Variants in ZNF766 observed in about 807,000 individuals in gnomAD.
ZNF766 encodes the protein zinc finger protein 766.
Under a neutral mutation model 13.2 loss-of-function variants are expected in ZNF766, and 13 were observed. That is an observed-to-expected ratio of 0.98 (90% CI 0.64 to 1.56). The LOEUF (loss-of-function observed/expected upper bound fraction) is 1.56. ZNF766 is among the 40% of genes most tolerant of loss of function. The pLI is 0.00. For synonymous variants in ZNF766, 178 were observed against 187.6 expected, an observed-to-expected ratio of 0.95 and a Z score of 0.42; for missense variants, 521 against 552.2, an observed-to-expected ratio of 0.94 and a Z score of 0.57.
At chr19:52,282,277 A>G (rs904106217) in intron 2 of ZNF766, 40 bp downstream of exon 2, 6 of 1,550,466 alleles carry the variant, frequency 3.9e-6, no homozygotes, top group Non-Finnish European at 4.4e-6. Context: ...GTCTGCCCTT[A>G]GTATCTCTGC....
At chr19:52,282,460 A>C in intron 2 of ZNF766, 2 of 325,698 alleles carry the variant, frequency 6.1e-6, no homozygotes, top group South Asian at 3.4e-5. Flanking sequence ...AAATGATAAA[A>C]CCCCATCTGT....
rs62624464 is a variant in ZNF766 at position 52,290,383 on chromosome 19, G to C, written c.592G>C (p.Val198Leu). ...ECNEQGKVFR[V>L]SSSLPNHQVI... ...TAATGAGCAGGGCAAAGTCTTCAGA[G>C]TGTCTTCAAGCCTTCCTAATCATCA... is the stretch of plus-strand genomic sequence containing the variant. Residue 198 changes from valine to leucine, a missense_variant, in exon 4 of 4, where the codon GTG becomes CTG. By Grantham distance (32) the Val-to-Leu change is conservative (BLOSUM62 1). Transcript: ENST00000439461. 4,764 of 1,614,004 alleles carry C rather than the reference G, an allele frequency of 3.0e-3. 11 individuals carry two copies. The highest frequency in any genetic ancestry group is 3.5e-3 in the Non-Finnish European group (4,096 of 1,180,026).
At position 52,290,299 on chromosome 19, in the gene ZNF766, G is replaced by T. The variant is rs1036849300; in HGVS notation, c.508G>T (p.Asp170Tyr). 1.2e-6 allele frequency: 2 copies of T among 1,613,684 alleles called. No homozygotes were observed. Among genetic ancestry groups the T allele is most frequent in the Non-Finnish European group, 1.7e-6 (2 of 1,179,720 alleles). The change falls in exon 4 of 4, where the codon GAT (aspartate) becomes TAT (tyrosine). Residue 170 changes from aspartate to tyrosine, a missense_variant. Asp to Tyr is a radical substitution (Grantham distance 160). Coordinates refer to ENST00000439461, the MANE Select transcript of ZNF766 (RefSeq NM_001010851.3). ...IFNKHRNDFV[D>Y]FPLLSQEQKA... Reference sequence around the variant, plus strand: ...TAATAAACATAGGAATGATTTTGTTGATTTTCCATTGCTGTCACAAGAACA... The same window carrying T: ...TAATAAACATAGGAATGATTTTGTTTATTTTCCATTGCTGTCACAAGAACA...
intron 1 of ZNF766, among the ~76,000 whole-genome samples, chr19:52,271,273 G>T (rs1980961049): frequency 6.6e-6 from 1 of 152,194 alleles, no homozygotes; most frequent in African/African-American, 2.4e-5. Context: ...GGGCAGTCTT[G>T]TGGGACTGAG....
intron 1 of ZNF766, among the ~76,000 whole-genome samples, chr19:52,278,602 C>T (rs1316774269): frequency 6.6e-6 from 1 of 152,138 alleles, no homozygotes; most frequent in Non-Finnish European, 1.5e-5. Context: ...CGGAGCTTCA[C>T]CATGGTGGCC....
chr19:52,269,708 G>A, intron 1 of ZNF766, 77 bp downstream of exon 1: 2 of 1,568,786 alleles, frequency 1.3e-6, no homozygotes, highest in Non-Finnish European at 1.7e-6. Flanking sequence ...GTGGGGGGCG[G>A]TACAGACCTT....
Position 52,295,631 on chromosome 19 carries a change from T to A in ZNF766, c.*4433T>A, listed in dbSNP as rs969396986. The A allele has an allele frequency of 2.6e-5, 4 of 152,138 alleles. No individual in the cohort carries two copies. Among genetic ancestry groups the A allele is most frequent in the Admixed American group, 2.6e-4 (4 of 15,292 alleles). The allele number at this position is 152,138 out of a possible 1,614,324, so 9.4% of individuals were successfully genotyped here. On this transcript the variant is annotated 3_prime_UTR_variant, in exon 4 of 4. Transcript: ENST00000439461. The stretch of plus-strand genomic sequence containing the variant: ...AGGTATAAACGTTTTATTGTAAATA[T>A]GAAAAAGGAAAAAATGCTTTCACTA...
chr19:52,283,541 A>T, intron 3 of ZNF766, 128 bp downstream of exon 3: 1 of 1,258,496 alleles, frequency 7.9e-7, no homozygotes, highest in Non-Finnish European at 1.0e-6. Context: ...GGGCTTCAAC[A>T]GTCCTCCTGC....
chr19:52,274,039 G>A (rs1025587690), intron 1 of ZNF766, among the ~76,000 whole-genome samples: 1 of 152,198 alleles, frequency 6.6e-6, no homozygotes, highest in Non-Finnish European at 1.5e-5. Context: ...AAGGTATTAC[G>A]TGGAAAGTTC....
At chr19:52,281,806 TATTC>T (rs766783246) in intron 1 of ZNF766, 3 of 522,472 alleles carry the variant, frequency 5.7e-6, no homozygotes, top group South Asian at 4.3e-5. Context: ...CACCAAGTGA[TATTC>T]ATTGTCTACC....
rs753747447 is a variant in ZNF766, at chr19:52,290,392, A to C, written c.601A>C (p.Ser201Arg). 6.2e-7 allele frequency: 1 copy of C among 1,613,848 alleles called. No individual in the cohort carries two copies. The highest frequency in any genetic ancestry group is 1.3e-5 in the African/African-American group (1 of 74,944). Residue 201 changes from serine (S) to arginine (R), a missense_variant, in exon 4 of 4, where the codon AGC becomes CGC. By Grantham distance (110) the Ser-to-Arg change is moderately radical. Transcript: ENST00000439461. ...GGGCAAAGTCTTCAGAGTGTCTTCA[A>C]GCCTTCCTAATCATCAAGTAATCCA... ...EQGKVFRVSS[S>R]LPNHQVIHTA...
intron 1 of ZNF766, 65 bp from the exon 2 acceptor site, chr19:52,282,046 C>T (rs1981552823): frequency 3.9e-6 from 6 of 1,558,410 alleles, no homozygotes; most frequent in East Asian, 2.4e-5. Flanking sequence ...CAACCCTCTT[C>T]TCATTTCGTG....
Position 52,290,221 on chromosome 19 carries a change from T to C in ZNF766, c.430T>C (p.Ser144Pro), listed in dbSNP as rs1164264508. ...NQVQKFISHS[S>P]SVSPLQRIYS... ...AGTTCAAAAGTTCATCAGCCACAGT[T>C]CTTCAGTTTCGCCACTTCAAAGAAT... is the stretch of plus-strand genomic sequence containing the variant. Residue 144 changes from serine to proline, a missense_variant, in exon 4 of 4, where the codon TCT becomes CCT. By Grantham distance (74) the Ser-to-Pro change is moderately conservative. Transcript: ENST00000439461. The C allele has an allele frequency of 6.2e-7, 1 of 1,614,026 alleles. No individual in the cohort carries two copies.
chr19:52,280,862 G>A, intron 1 of ZNF766, among the ~76,000 whole-genome samples: 1 of 149,242 alleles, frequency 6.7e-6, no homozygotes, highest in African/African-American at 2.5e-5. Context: ...TTACAGGTGT[G>A]AGCCAACACT....
intron 3 of ZNF766, among the ~76,000 whole-genome samples, chr19:52,283,718 TTATG>T (rs778230978): frequency 6.6e-5 from 10 of 152,206 alleles, no homozygotes; most frequent in East Asian, 5.8e-4. Context: ...ACCATGTCCT[TTATG>T]TATGTATGTA....
chr19:52,272,291 C>T (rs905340654), intron 1 of ZNF766, among the ~76,000 whole-genome samples: 4 of 152,190 alleles, frequency 2.6e-5, no homozygotes, highest in African/African-American at 7.2e-5. Context: ...CTCATCTTTT[C>T]GTCTTAGCAA....
At position 52,292,322 on chromosome 19, in the gene ZNF766, G is replaced by A. The variant is rs1982187095; in HGVS notation, c.*1124G>A. The A allele has an allele frequency of 1.6e-6, 1 of 630,222 alleles. No homozygotes were observed. The highest frequency in any genetic ancestry group is 1.8e-5 in the African/African-American group (1 of 54,642). 39.0% of individuals were successfully genotyped at this position (630,222 alleles called of 1,614,324 possible). On this transcript the variant is annotated 3_prime_UTR_variant, in exon 4 of 4. Coordinates refer to ENST00000439461, the MANE Select transcript of ZNF766 (RefSeq NM_001010851.3). ...AGAGAATAACAAAACCGTGATGGCA[G>A]TCATCATGCTTATTGCAGTTAGCAC... is the stretch of plus-strand genomic sequence containing the variant.
Position 52,290,921 on chromosome 19 carries a change from A to G in ZNF766, c.1130A>G (p.His377Arg). 6.2e-7 allele frequency: 1 copy of G among 1,614,166 alleles called. No individual in the cohort carries two copies. Among genetic ancestry groups the G allele is most frequent in the Non-Finnish European group, 8.5e-7 (1 of 1,180,014 alleles). The part of the protein sequence containing the change: ...KFSLTVHQRN[H>R]NGEKPYKCHE... ...TCCCTGACAGTTCATCAGAGAAATC[A>G]TAATGGAGAGAAACCTTATAAATGT... Residue 377 changes from histidine to arginine, a missense_variant, in exon 4 of 4, where the codon CAT (histidine) becomes CGT (arginine). By Grantham distance (29) the His-to-Arg change is conservative. Transcript: ENST00000439461.
intron 1 of ZNF766, among the ~76,000 whole-genome samples, chr19:52,274,003 C>T (rs1038573643): frequency 1.3e-5 from 2 of 152,168 alleles, no homozygotes; most frequent in Admixed American, 6.5e-5. Context: ...TTTGAGGTTC[C>T]AGTTACTCAT....
Sources: allele counts gnomAD v4.1 joint callset (sites outside exome capture counted in the v4.1 genomes callset), GRCh38; gene constraint gnomAD v4.1.1; transcripts MANE v1.5; gene names NCBI Gene and HGNC (gene_info 2026-07-23, HGNC 2026-07-21).